BMP6: variants seen among roughly 807,000 people sequenced by gnomAD.
The protein encoded by BMP6 is VG-1-R.
A neutral mutation model predicts 54.1 loss-of-function variants in BMP6; 17 were observed. That is an observed-to-expected ratio of 0.31 (90% CI 0.22 to 0.47). The LOEUF (loss-of-function observed/expected upper bound fraction) is 0.47, where lower values mean the gene tolerates loss of function less well. Ranked by LOEUF, BMP6 falls within the 20% of genes least tolerant of loss-of-function variation. The pLI is 1.00. For missense variants in BMP6, 720 were observed against 690.4 expected, an observed-to-expected ratio of 1.04 and a Z score of -0.48; for synonymous variants, 328 against 291.2, an observed-to-expected ratio of 1.13 and a Z score of -1.28.
chr6:7,738,357 GGCTGCGTTTCCAGCTGCTCT>G (rs1755666075), intron 1 of BMP6, among the ~76,000 whole-genome samples: 1 of 152,160 alleles, frequency 6.6e-6, no homozygotes, highest in African/African-American at 2.4e-5. Context: ...GACCCTAGGA[GGCTGCGTTTCCAGCTGCTCT>G]GCTCTTCTGT....
In BMP6 at chr6:7,811,826, C is replaced by CT. The variant is rs1422712906; in HGVS notation, c.665-33312dup. Among the ~76,000 whole-genome samples, 3 of 152,302 alleles carry CT rather than the reference C, an allele frequency of 2.0e-5. No individual in the cohort carries two copies. The East Asian group carries it at 5.8e-4, about 29-fold the overall frequency. On this transcript the variant is annotated intron_variant, in intron 1 of 6. Transcript: ENST00000283147. ...AGATGAGAATGCTTTCTGCAGATAA[C>CT]TTCAGTAATGGAAGCACCTAATTTT... is the stretch of plus-strand genomic sequence containing the variant.
intron 2 of BMP6, among the ~76,000 whole-genome samples, chr6:7,851,476 G>A (rs921991765): frequency 6.6e-6 from 1 of 152,164 alleles, no homozygotes; most frequent in East Asian, 1.9e-4. Flanking sequence ...ATGTTAATTC[G>A]AATAGTTTTT....
chr6:7,880,164 G>A (rs1438292138), intron 6 of BMP6, 30 bp from the exon 7 acceptor site: 4 of 1,614,082 alleles, frequency 2.5e-6, no homozygotes, highest in South Asian at 2.2e-5. Context: ...TCATTTCTAA[G>A]GTACCTTCTC....
intron 1 of BMP6, among the ~76,000 whole-genome samples, chr6:7,802,870 C>T (rs1375537478): frequency 1.1e-4 from 17 of 152,162 alleles, no homozygotes; most frequent in Admixed American, 1.1e-3. Context: ...GCTGAATATG[C>T]GGTAGGGAAG....
chr6:7,790,519 A>G (rs1758081174), intron 1 of BMP6, among the ~76,000 whole-genome samples: 1 of 42,184 alleles, frequency 2.4e-5, no homozygotes, highest in Admixed American at 2.7e-4. Context: ...TGTCTCAAAA[A>G]AAAAAAAAAA....
Position 7,726,873 on chromosome 6 carries a change from A to T in BMP6, c.-83A>T. The T allele has an allele frequency of 2.2e-6, 2 of 903,158 alleles. No individual in the cohort carries two copies. The highest frequency in any genetic ancestry group is 2.7e-6 in the Non-Finnish European group (2 of 739,240). The allele number at this position is 903,158 out of a possible 1,614,324, so 55.9% of individuals were successfully genotyped here. ...AGAGGTGGCGGGGACTGCTCACGCCAAGGGCCACAGCGGCCGCGCTCCGGC... is the reference window on the plus strand; with the variant it reads ...AGAGGTGGCGGGGACTGCTCACGCCTAGGGCCACAGCGGCCGCGCTCCGGC... On this transcript the variant is annotated 5_prime_UTR_variant, in exon 1 of 7. Transcript: ENST00000283147.
chr6:7,812,429 C>T (rs1299172405), intron 1 of BMP6, among the ~76,000 whole-genome samples: 1 of 152,118 alleles, frequency 6.6e-6, no homozygotes, highest in East Asian at 1.9e-4. Flanking sequence ...TAACTGGTCT[C>T]TCAATGGAGA....
chr6:7,760,322 T>C (rs551910357), intron 1 of BMP6, among the ~76,000 whole-genome samples: 5 of 152,188 alleles, frequency 3.3e-5, no homozygotes, highest in Admixed American at 6.5e-5. Flanking sequence ...TAAATACCTT[T>C]GTCAGTCTGC....
At chr6:7,769,470 T>G (rs997169741) in intron 1 of BMP6, among the ~76,000 whole-genome samples, 1 of 152,188 alleles carries the variant, frequency 6.6e-6, no homozygotes, top group African/African-American at 2.4e-5. Context: ...TCAGATGCAT[T>G]GAGTAGGGGT....
chr6:7,834,185 CTTTTTTTTTTT>C (rs34020369), intron 1 of BMP6, among the ~76,000 whole-genome samples: 1 of 107,624 alleles, frequency 9.3e-6, no homozygotes, highest in African/African-American at 3.5e-5. Flanking sequence ...AGAACAAATG[CTTTTTTTTTTT>C]TTTTTTTTTA....
chr6:7,730,256 T>A (rs1435258515), intron 1 of BMP6, among the ~76,000 whole-genome samples: 2 of 152,170 alleles, frequency 1.3e-5, no homozygotes, highest in Non-Finnish European at 2.9e-5. Context: ...GGGTGATGGT[T>A]TAACATAGTA....
chr6:7,812,709 A>G lies in BMP6; in HGVS notation c.665-32431A>G, dbSNP rs377684074. 1.6e-3 allele frequency among the ~76,000 whole-genome samples: 243 copies of G among 152,298 alleles called. 1 individual carries two copies. The highest frequency in any genetic ancestry group is 6.8e-3 in the Middle Eastern group (2 of 294). On this transcript the variant is annotated intron_variant, in intron 1 of 6. Coordinates refer to ENST00000283147, the MANE Select transcript of BMP6 (RefSeq NM_001718.6). ...ATCAAGAAGAAAAATATCAAAGTTGAATGTAAAATATGTAGAACACATGAA... is the reference window on the plus strand; with the variant it reads ...ATCAAGAAGAAAAATATCAAAGTTGGATGTAAAATATGTAGAACACATGAA...
chr6:7,842,210 G>A (rs1758983484), intron 1 of BMP6, among the ~76,000 whole-genome samples: 1 of 152,156 alleles, frequency 6.6e-6, no homozygotes, highest in Non-Finnish European at 1.5e-5. Context: ...CTTGTGGAAT[G>A]ACCAGGTTCA....
chr6:7,844,989 A>G lies in BMP6; in HGVS notation c.665-151A>G, dbSNP rs1759037871. 26 of 591,402 alleles carry G rather than the reference A, an allele frequency of 4.4e-5. No individual in the cohort carries two copies. In the South Asian group the frequency reaches 7.6e-4, roughly 17 times the overall value. 36.6% of individuals were successfully genotyped at this position (591,402 alleles called of 1,614,324 possible). A position where few individuals can be genotyped will look rare whatever the true frequency, so the allele number is the denominator to read the frequency against. On this transcript the variant is annotated intron_variant, in intron 1 of 6. Coordinates refer to ENST00000283147, the MANE Select transcript of BMP6 (RefSeq NM_001718.6). Reference sequence around the variant, plus strand: ...GATTTTCATCTCCTCCTCATGGGCCAGCCAGTGGTCTGTTCACTACCCGAT... The same window carrying G: ...GATTTTCATCTCCTCCTCATGGGCCGGCCAGTGGTCTGTTCACTACCCGAT...
At position 7,881,520 on chromosome 6, in the gene BMP6, TAAAAA is replaced by T. The variant is rs548593250; in HGVS notation, c.*1182_*1186del. On this transcript the variant is annotated 3_prime_UTR_variant, in exon 7 of 7. Transcript: ENST00000283147. ...AACATTGAAGGAAAGACCAGACTTT[TAAAAA>T]AAAAGAGTTTATTTAGAAAGTATCA... 6.6e-6 allele frequency: 1 copy of T among 151,366 alleles called. No homozygotes were observed. Among genetic ancestry groups the T allele is most frequent in the Non-Finnish European group, 1.5e-5 (1 of 67,706 alleles). 9.4% of individuals were successfully genotyped at this position (151,366 alleles called of 1,614,324 possible). A position where few individuals can be genotyped will look rare whatever the true frequency, so the allele number is the denominator to read the frequency against.
intron 1 of BMP6, among the ~76,000 whole-genome samples, chr6:7,812,779 A>G (rs1338176506): frequency 3.3e-5 from 5 of 152,042 alleles, no homozygotes; most frequent in African/African-American, 1.2e-4. Context: ...TGTATTTTCA[A>G]CAGCTCTGTG....
intron 1 of BMP6, among the ~76,000 whole-genome samples, chr6:7,738,528 C>G (rs990212907): frequency 6.6e-6 from 1 of 152,090 alleles, no homozygotes; most frequent in Non-Finnish European, 1.5e-5. Flanking sequence ...GTAGCCCTCC[C>G]GCTTCTGTGC....
At chr6:7,829,731 A>G (rs1002583772) in intron 1 of BMP6, among the ~76,000 whole-genome samples, 6 of 152,100 alleles carry the variant, frequency 3.9e-5, no homozygotes, top group African/African-American at 1.2e-4. Context: ...ATCTGGTGCC[A>G]TGTAGCACTG....
chr6:7,776,480 T>C (rs562350263), intron 1 of BMP6, among the ~76,000 whole-genome samples: 2 of 152,358 alleles, frequency 1.3e-5, no homozygotes, highest in South Asian at 4.1e-4. Flanking sequence ...TGGCAAGTCA[T>C]GTGCCCATTT....
Sources: allele counts gnomAD v4.1 joint callset (sites outside exome capture counted in the v4.1 genomes callset), GRCh38; gene constraint gnomAD v4.1.1; transcripts MANE v1.5; gene names NCBI Gene and HGNC (gene_info 2026-07-23, HGNC 2026-07-21).